Variants in PLEKHM1 observed in about 807,000 individuals in gnomAD.
The protein encoded by PLEKHM1 is pleckstrin homology and RUN domain containing M1, also known as pleckstrin homology domain-containing family M member 1.
PLEKHM1 carries 28 observed loss-of-function variants against 94.3 expected under a neutral mutation model. The observed-to-expected ratio is 0.30, with a 90% CI of 0.22 to 0.41. The LOEUF is 0.41. Among genes scored for constraint, PLEKHM1 ranks in the 10% least tolerant of loss-of-function variants. PLEKHM1 has a pLI of 1.00. For synonymous variants in PLEKHM1, 424 were observed against 581.2 expected (o/e 0.73, Z 3.89); for missense variants, 907 against 1,358.6 (o/e 0.67, Z 5.22).
At chr17:45,440,338 G>A in intron 9 of PLEKHM1, 112 bp from the exon 10 acceptor site, 6 of 1,034,252 alleles carry the variant, frequency 5.8e-6, no homozygotes, top group Non-Finnish European at 7.5e-6. Context: ...CCCCCCGCCT[G>A]GGCGGGGCAG....
At chr17:45,480,510 A>G (rs1295769506) in intron 2 of PLEKHM1, among the ~76,000 whole-genome samples, 1 of 151,372 alleles carries the variant, frequency 6.6e-6, no homozygotes, top group Non-Finnish European at 1.5e-5. Flanking sequence ...AAAAAAACAA[A>G]AAAACAAACA....
At chr17:45,456,071 C>T (rs1267925167) in intron 6 of PLEKHM1, among the ~76,000 whole-genome samples, 1 of 152,172 alleles carries the variant, frequency 6.6e-6, no homozygotes, top group Non-Finnish European at 1.5e-5. Flanking sequence ...TACATTGCCT[C>T]ATGACTCCTT....
chr17:45,465,451 G>A (rs2051290169), intron 5 of PLEKHM1, among the ~76,000 whole-genome samples: 2 of 152,072 alleles, frequency 1.3e-5, no homozygotes, highest in African/African-American at 4.8e-5. Flanking sequence ...GCTCATGCCT[G>A]TAATCCCAGC....
At chr17:45,468,940 G>A (rs2051410998) in intron 4 of PLEKHM1, among the ~76,000 whole-genome samples, 1 of 151,824 alleles carries the variant, frequency 6.6e-6, no homozygotes, top group South Asian at 2.1e-4. Flanking sequence ...CCAAACACAT[G>A]GTTGTGTGGG....
chr17:45,442,403 G>C (rs1211949093), intron 9 of PLEKHM1, among the ~76,000 whole-genome samples: 1 of 152,070 alleles, frequency 6.6e-6, no homozygotes, highest in African/African-American at 2.4e-5. Flanking sequence ...TGGTCTTTTT[G>C]TGTGTTTGTT....
chr17:45,475,213 G>A lies in PLEKHM1; in HGVS notation c.810C>T (p.Ser270=). The change falls in exon 4 of 12, where the codon AGC becomes AGT. Residue 270 remains serine (S), a synonymous_variant. Transcript: ENST00000430334. ...SQLSCSLNSD[S]CLLQENGSKS... is the part of the protein sequence containing the mutation. The stretch of plus-strand genomic sequence containing the variant: ...TGGAGCCATTCTCTTGGAGTAAGCA[G>A]CTATCAGAGTTTAGGCTGCAGGACA... 1.2e-6 allele frequency: 2 copies of A among 1,614,004 alleles called. No individual in the cohort carries two copies. The highest frequency in any genetic ancestry group is 2.2e-5 in the East Asian group (1 of 44,890).
At chr17:45,479,037 T>G (rs1198365926) in intron 2 of PLEKHM1, among the ~76,000 whole-genome samples, 1 of 118,130 alleles carries the variant, frequency 8.5e-6, no homozygotes, top group South Asian at 2.9e-4. Flanking sequence ...TTTTTTTTTT[T>G]GGGAAGTGGT....
intron 2 of PLEKHM1, among the ~76,000 whole-genome samples, chr17:45,480,566 T>C (rs1241890491): frequency 6.6e-6 from 1 of 152,166 alleles, no homozygotes; most frequent in Non-Finnish European, 1.5e-5. Context: ...TGTATATTAG[T>C]GATTGCCAGG....
At position 45,436,686 on chromosome 17, in the gene PLEKHM1, T is replaced by C. The variant is rs1046085270; in HGVS notation, c.*1172A>G. 1.3e-5 allele frequency: 6 copies of C among 453,990 alleles called. No homozygotes were observed. In the Admixed American group the frequency reaches 1.4e-4, roughly 11 times the overall value. The allele number at this position is 453,990 out of a possible 1,614,324, so 28.1% of individuals were successfully genotyped here. A position where few individuals can be genotyped will look rare whatever the true frequency, so the allele number is the denominator to read the frequency against. On this transcript the variant is annotated 3_prime_UTR_variant, in exon 12 of 12. Transcript: ENST00000430334. ...ACTCCCACCCCAGCCCCAAGGCCCC[T>C]TCAAAGGCAGTCCTGCTCCGGGGAA... is the stretch of plus-strand genomic sequence containing the variant.
Position 45,445,764 on chromosome 17 carries a change from T to A in PLEKHM1, c.2644-101A>T, listed in dbSNP as rs926160884. On this transcript the variant is annotated intron_variant, in intron 8 of 11. Transcript: ENST00000430334. The surrounding 1 kb of genome is among the most constrained non-coding windows in gnomAD (Gnocchi z 4.2). Reference sequence around the variant, plus strand: ...ACCTGCTCACTTACCTGAGGGGCTATCTTCATTTTACAGATGGGGAAACTG... The same window carrying A: ...ACCTGCTCACTTACCTGAGGGGCTAACTTCATTTTACAGATGGGGAAACTG... 2.4e-6 allele frequency: 2 copies of A among 827,886 alleles called. No individual in the cohort carries two copies. The highest frequency in any genetic ancestry group is 3.3e-5 in the African/African-American group (2 of 59,948). The allele number at this position is 827,886 out of a possible 1,614,324, so 51.3% of individuals were successfully genotyped here.
At chr17:45,488,654 A>G (rs1450087817) in intron 1 of PLEKHM1, among the ~76,000 whole-genome samples, 1 of 152,192 alleles carries the variant, frequency 6.6e-6, no homozygotes, top group African/African-American at 2.4e-5. Flanking sequence ...TAAAACTGCA[A>G]TCAGCCAGGT....
chr17:45,450,417 G>A (rs2050744567), intron 8 of PLEKHM1, among the ~76,000 whole-genome samples: 1 of 152,200 alleles, frequency 6.6e-6, no homozygotes, highest in Non-Finnish European at 1.5e-5. Flanking sequence ...GACAGCCACC[G>A]ATAGAGCCCT....
intron 4 of PLEKHM1, among the ~76,000 whole-genome samples, chr17:45,469,295 T>A (rs1342227321): frequency 6.6e-6 from 1 of 152,120 alleles, no homozygotes; most frequent in Non-Finnish European, 1.5e-5. Flanking sequence ...CCCTGTCTCC[T>A]CCGTGCTGCT....
intron 7 of PLEKHM1, among the ~76,000 whole-genome samples, chr17:45,452,097 C>A (rs2050789902): frequency 6.6e-6 from 1 of 152,148 alleles, no homozygotes; most frequent in Non-Finnish European, 1.5e-5. Flanking sequence ...AGCAGGACAA[C>A]CCCCTCACAG....
At chr17:45,435,297 C>A (rs2050229725), downstream of PLEKHM1, among the ~76,000 whole-genome samples, 1 of 152,160 alleles carries the variant, frequency 6.6e-6, no homozygotes, top group Non-Finnish European at 1.5e-5. Context: ...AACCTGATTT[C>A]CCTGAGAATT....
At chr17:45,473,552 A>T (rs536671203) in intron 4 of PLEKHM1, among the ~76,000 whole-genome samples, 1 of 151,702 alleles carries the variant, frequency 6.6e-6, no homozygotes, top group Non-Finnish European at 1.5e-5. Flanking sequence ...AAGAAATTTT[A>T]AAAATCTTTT....
intron 4 of PLEKHM1, among the ~76,000 whole-genome samples, chr17:45,468,798 C>A (rs1250976366): frequency 6.6e-6 from 1 of 152,118 alleles, no homozygotes; most frequent in South Asian, 2.1e-4. Flanking sequence ...AGGCAGACTG[C>A]GTGGACAGGT....
rs528404155 is a variant in PLEKHM1, at chr17:45,453,941, G to T, written c.1911C>A (p.Asn637Lys). The stretch of plus-strand genomic sequence containing the variant: ...CCTCAGGCTGGTCTGGGTACTGCAC[G>T]TTCACCCACTCATCCTCCTGCTGAG... The part of the protein sequence containing the change: ...VRPQQEDEWV[N>K]VQYPDQPEEP... Residue 637 changes from asparagine to lysine, a missense_variant, in exon 7 of 12, where the codon AAC (asparagine) becomes AAA (lysine). Coordinates refer to ENST00000430334, the MANE Select transcript of PLEKHM1 (RefSeq NM_014798.3). This position sits in a 1 kb window ranked among gnomAD's most constrained non-coding sequence, Gnocchi z 4.1. 1 of 1,613,836 alleles carries T rather than the reference G, an allele frequency of 6.2e-7. No homozygotes were observed. The highest frequency in any genetic ancestry group is 8.5e-7 in the Non-Finnish European group (1 of 1,179,770).
rs374775667 is a variant in PLEKHM1 at position 45,468,193 on chromosome 17, G to A, written c.1308+16C>T. On this transcript the variant is annotated intron_variant, in intron 5 of 11. Coordinates refer to ENST00000430334, the MANE Select transcript of PLEKHM1 (RefSeq NM_014798.3). The stretch of plus-strand genomic sequence containing the variant: ...CATTTCCCAAGACTGCCCCCTGAAC[G>A]GCTTGCACCACTCACCGGACTGGTG... 51 of 1,612,812 alleles carry A rather than the reference G, an allele frequency of 3.2e-5. No individual in the cohort carries two copies. Among genetic ancestry groups the A allele is most frequent in the South Asian group, 2.6e-4 (24 of 90,998 alleles).
Sources: gnomAD v4.1 joint callset for allele counts (sites outside exome capture counted in the v4.1 genomes callset) on GRCh38, gnomAD v4.1.1 for gene constraint, Gnocchi (gnomAD v3.1) non-coding constraint, MANE v1.5 for transcripts, NCBI Gene and HGNC (gene_info 2026-07-23, HGNC 2026-07-21) for gene names.